The following GPR12 variants were observed in gnomAD, a reference collection of about 807,000 sequenced individuals.
The protein encoded by GPR12 is G-protein coupled receptor 12.
In GPR12, 7 loss-of-function variants were observed where a neutral mutation model predicts 18.9. That is an observed-to-expected ratio of 0.37 (90% CI 0.21 to 0.70). The LOEUF (loss-of-function observed/expected upper bound fraction) is 0.70. Ranked by LOEUF, GPR12 falls within the 30% of genes least tolerant of loss-of-function variation. The probability of loss-of-function intolerance (pLI) is 0.54; values close to 1 mark genes in which losing one functional copy is unlikely to be tolerated. For missense variants in GPR12, 327 were observed against 427.7 expected, an observed-to-expected ratio of 0.76 and a Z score of 2.08; for synonymous variants, 201 against 188.6, an observed-to-expected ratio of 1.07 and a Z score of -0.54.
At chr13:26,759,924 C>G in intron 1 of GPR12, 82 bp from the exon 2 acceptor site, 5 of 1,463,230 alleles carry the variant, frequency 3.4e-6, no homozygotes, top group Non-Finnish European at 4.5e-6. Flanking sequence ...CACAGACAAA[C>G]AGAAAGCCAG....
chr13:26,758,657 C>T lies in GPR12; in HGVS notation c.*166G>A, dbSNP rs983317456. 1.9e-5 allele frequency: 20 copies of T among 1,036,974 alleles called. No homozygotes were observed. Among genetic ancestry groups the T allele is most frequent in the Admixed American group, 5.9e-5 (2 of 33,750 alleles). The allele number at this position is 1,036,974 out of a possible 1,614,324, so 64.2% of individuals were successfully genotyped here. On this transcript the variant is annotated 3_prime_UTR_variant, in exon 2 of 2. Coordinates refer to ENST00000405846, the MANE Select transcript of GPR12 (RefSeq NM_005288.4). ...GAAAACACTGGTAACATTATTTTCA[C>T]TTCAATCACTTAACTCATCTGAACG...
Position 26,757,595 on chromosome 13 carries a change from T to C in GPR12, c.*1228A>G, listed in dbSNP as rs1884399338. 1 of 152,230 alleles carries C rather than the reference T, an allele frequency of 6.6e-6. No homozygotes were observed. Among genetic ancestry groups the C allele is most frequent in the Non-Finnish European group, 1.5e-5 (1 of 68,032 alleles). The allele number at this position is 152,230 out of a possible 1,614,324, so 9.4% of individuals were successfully genotyped here. ...TTTTTGGTGAAAAGGAGTTAAAAGA[T>C]TTCAAACTTAACTTTTCATCAACAG... is the stretch of plus-strand genomic sequence containing the variant. On this transcript the variant is annotated 3_prime_UTR_variant, in exon 2 of 2. Transcript: ENST00000405846.
rs1322374799 is a variant in GPR12, at chr13:26,755,526, A to T, written c.*3297T>A. On this transcript the variant is annotated 3_prime_UTR_variant, in exon 2 of 2. Transcript: ENST00000405846. ...CCTATTTTAAATCCTGGGGGAGTCTAAGACTATTTCTGCATGGCCAAGTCA... is the reference window on the plus strand; with the variant it reads ...CCTATTTTAAATCCTGGGGGAGTCTTAGACTATTTCTGCATGGCCAAGTCA... 1 of 152,116 alleles carries T rather than the reference A, an allele frequency of 6.6e-6. No homozygotes were observed. Among genetic ancestry groups the T allele is most frequent in the Non-Finnish European group, 1.5e-5 (1 of 68,018 alleles). 9.4% of individuals were successfully genotyped at this position (152,116 alleles called of 1,614,324 possible).
rs768137042 is a variant in GPR12, at chr13:26,759,178, T to A, written c.650A>T (p.Tyr217Phe). 6.2e-7 allele frequency: 1 copy of A among 1,612,738 alleles called. No homozygotes were observed. Among genetic ancestry groups the A allele is most frequent in the Non-Finnish European group, 8.5e-7 (1 of 1,179,790 alleles). ...CATCACAATCTTACAGATCTGGATG[T>A]AGAGCTGAAGCATGAGCGCAAACAT... ...LFMFALMLQL[Y>F]IQICKIVMRH... Residue 217 changes from tyrosine to phenylalanine, a missense_variant, in exon 2 of 2, where the codon TAC becomes TTC. Coordinates refer to ENST00000405846, the MANE Select transcript of GPR12 (RefSeq NM_005288.4).
rs574403740 is a variant in GPR12, at chr13:26,757,519, A to C, written c.*1304T>G. ...TTCTTCTTTGCAATTTCCTGACTAC[A>C]TTCTTGTTCTCTGAAAACAGGCAAT... On this transcript the variant is annotated 3_prime_UTR_variant, in exon 2 of 2. Coordinates refer to ENST00000405846, the MANE Select transcript of GPR12 (RefSeq NM_005288.4). 11 of 152,350 alleles carry C rather than the reference A, an allele frequency of 7.2e-5. No homozygotes were observed. The highest frequency in any genetic ancestry group is 2.6e-4 in the African/African-American group (11 of 41,592). The allele number at this position is 152,350 out of a possible 1,614,324, so 9.4% of individuals were successfully genotyped here. A position where few individuals can be genotyped will look rare whatever the true frequency, so the allele number is the denominator to read the frequency against.
Position 26,757,361 on chromosome 13 carries a change from T to A in GPR12, c.*1462A>T, listed in dbSNP as rs1020211912. The A allele has an allele frequency of 4.6e-5, 7 of 152,208 alleles. No individual in the cohort carries two copies. The highest frequency in any genetic ancestry group is 8.8e-5 in the Non-Finnish European group (6 of 68,044). 9.4% of individuals were successfully genotyped at this position (152,208 alleles called of 1,614,324 possible). A position where few individuals can be genotyped will look rare whatever the true frequency, so the allele number is the denominator to read the frequency against. On this transcript the variant is annotated 3_prime_UTR_variant, in exon 2 of 2. Coordinates refer to ENST00000405846, the MANE Select transcript of GPR12 (RefSeq NM_005288.4). ...GGCTCAATTAATGTGCTGCCAAGAA[T>A]TTTTTCCACTGATTATATAGACATA...
Position 26,759,203 on chromosome 13 carries a change from T to G in GPR12, c.625A>C (p.Met209Leu). 6.2e-7 allele frequency: 1 copy of G among 1,610,956 alleles called. No individual in the cohort carries two copies. Among genetic ancestry groups the G allele is most frequent in the Non-Finnish European group, 8.5e-7 (1 of 1,179,388 alleles). Residue 209 changes from methionine to leucine, a missense_variant, in exon 2 of 2, where the codon ATG (methionine) becomes CTG (leucine). Met to Leu is a conservative substitution (Grantham distance 15, BLOSUM62 2). Transcript: ENST00000405846. The stretch of plus-strand genomic sequence containing the variant: ...TAGAGCTGAAGCATGAGCGCAAACA[T>G]GAAGAGGAAGGACACCGAGAGGATG... The part of the protein sequence containing the change: ...AAILSVSFLF[M>L]FALMLQLYIQ...
chr13:26,758,940 G>A lies in GPR12; in HGVS notation c.888C>T (p.Ile296=), dbSNP rs1202321554. 6.2e-7 allele frequency: 1 copy of A among 1,614,132 alleles called. No individual in the cohort carries two copies. Among genetic ancestry groups the A allele is most frequent in the South Asian group, 1.1e-5 (1 of 91,068 alleles). ...TLLPATYNSI[I]NPVIYAFRNQ... ...TTCTGAAAGCATATATGACAGGGTTGATGATGGAATTGTAGGTGGCGGGCA... is the reference window on the plus strand; with the variant it reads ...TTCTGAAAGCATATATGACAGGGTTAATGATGGAATTGTAGGTGGCGGGCA... Residue 296 remains isoleucine (I), a synonymous_variant, in exon 2 of 2, where the codon ATC becomes ATT. Coordinates refer to ENST00000405846, the MANE Select transcript of GPR12 (RefSeq NM_005288.4).
Position 26,755,870 on chromosome 13 carries a change from C to T in GPR12, c.*2953G>A, listed in dbSNP as rs1884364574. 6.6e-6 allele frequency: 1 copy of T among 152,136 alleles called. No individual in the cohort carries two copies. The highest frequency in any genetic ancestry group is 6.5e-5 in the Admixed American group (1 of 15,278). 9.4% of individuals were successfully genotyped at this position (152,136 alleles called of 1,614,324 possible). On this transcript the variant is annotated 3_prime_UTR_variant, in exon 2 of 2. Coordinates refer to ENST00000405846, the MANE Select transcript of GPR12 (RefSeq NM_005288.4). ...ATGTGGAGTAAAAGATTATCTGCTA[C>T]CTCAGGACTGTTGGAAATAAGACAG... is the stretch of plus-strand genomic sequence containing the variant.
chr13:26,758,795 A>G lies in GPR12; in HGVS notation c.*28T>C. ...GCCAGGCAGTGGAAGTGCTTGGTAA[A>G]TGCAGAGTCCTCCTGGGTGCAAGGG... On this transcript the variant is annotated 3_prime_UTR_variant, in exon 2 of 2. Coordinates refer to ENST00000405846, the MANE Select transcript of GPR12 (RefSeq NM_005288.4). 6.4e-7 allele frequency: 1 copy of G among 1,564,874 alleles called. No homozygotes were observed. Among genetic ancestry groups the G allele is most frequent in the Non-Finnish European group, 8.7e-7 (1 of 1,152,138 alleles).
Position 26,757,082 on chromosome 13 carries a change from C to T in GPR12, c.*1741G>A, listed in dbSNP as rs1884389300. On this transcript the variant is annotated 3_prime_UTR_variant, in exon 2 of 2. Coordinates refer to ENST00000405846, the MANE Select transcript of GPR12 (RefSeq NM_005288.4). ...GTGGTATGTATTGAAAATTCTTTCC[C>T]ACTTCTTAAGTATTTCAGTCCCTCT... 1 of 152,104 alleles carries T rather than the reference C, an allele frequency of 6.6e-6. No homozygotes were observed. Among genetic ancestry groups the T allele is most frequent in the Non-Finnish European group, 1.5e-5 (1 of 68,014 alleles). The allele number at this position is 152,104 out of a possible 1,614,324, so 9.4% of individuals were successfully genotyped here.
rs1338866944 is a variant in GPR12 at position 26,759,851 on chromosome 13, A to G, written c.-15-9T>C. On this transcript the variant is annotated splice_polypyrimidine_tract_variant and intron_variant, in intron 1 of 1. Coordinates refer to ENST00000405846, the MANE Select transcript of GPR12 (RefSeq NM_005288.4). ...ATTTTAACCCCTGTCCTCTTCAACGAAAAGACAGGCTTTTTAATGTTTAAA... is the reference window on the plus strand; with the variant it reads ...ATTTTAACCCCTGTCCTCTTCAACGGAAAGACAGGCTTTTTAATGTTTAAA... 6.5e-7 allele frequency: 1 copy of G among 1,531,940 alleles called. No individual in the cohort carries two copies. The highest frequency in any genetic ancestry group is 2.1e-5 in the Admixed American group (1 of 46,656). The allele number at this position is 1,531,940 out of a possible 1,614,324, so 94.9% of individuals were successfully genotyped here.
Position 26,759,520 on chromosome 13 carries a change from A to G in GPR12, c.308T>C (p.Phe103Ser), listed in dbSNP as rs1884441879. 6.2e-7 allele frequency: 1 copy of G among 1,614,208 alleles called. No individual in the cohort carries two copies. The highest frequency in any genetic ancestry group is 1.1e-5 in the South Asian group (1 of 91,076). The change falls in exon 2 of 2, where the codon TTT becomes TCT. Residue 103 changes from phenylalanine (F) to serine (S), a missense_variant. Phe to Ser is a radical substitution (Grantham distance 155, BLOSUM62 -2). Coordinates refer to ENST00000405846, the MANE Select transcript of GPR12 (RefSeq NM_005288.4). ...GGCTTCTGACTGAAGCAGGTAGGCA[A>G]AAACAAAATTGGTGATGAGTCCAAT... The part of the protein sequence containing the change: ...AGIGLITNFV[F>S]AYLLQSEATK...
chr13:26,758,802 G>A lies in GPR12; in HGVS notation c.*21C>T, dbSNP rs747689547. ...AGTGGAAGTGCTTGGTAAATGCAGAGTCCTCCTGGGTGCAAGGGTGCTACA... is the reference window on the plus strand; with the variant it reads ...AGTGGAAGTGCTTGGTAAATGCAGAATCCTCCTGGGTGCAAGGGTGCTACA... On this transcript the variant is annotated 3_prime_UTR_variant, in exon 2 of 2. Coordinates refer to ENST00000405846, the MANE Select transcript of GPR12 (RefSeq NM_005288.4). 3 of 1,575,764 alleles carry A rather than the reference G, an allele frequency of 1.9e-6. No individual in the cohort carries two copies. The highest frequency in any genetic ancestry group is 1.2e-5 in the South Asian group (1 of 84,532).
rs2137575719 is a variant in GPR12 at position 26,756,003 on chromosome 13, A to G, written c.*2820T>C. On this transcript the variant is annotated 3_prime_UTR_variant, in exon 2 of 2. Coordinates refer to ENST00000405846, the MANE Select transcript of GPR12 (RefSeq NM_005288.4). ...CATTGAGATGTGTGCACATTTAAAAATAATTAGCTCCACAGGAAAAAAGAA... is the reference window on the plus strand; with the variant it reads ...CATTGAGATGTGTGCACATTTAAAAGTAATTAGCTCCACAGGAAAAAAGAA... 1 of 152,344 alleles carries G rather than the reference A, an allele frequency of 6.6e-6. No individual in the cohort carries two copies. Among genetic ancestry groups the G allele is most frequent in the South Asian group, 2.1e-4 (1 of 4,828 alleles). The allele number at this position is 152,344 out of a possible 1,614,324, so 9.4% of individuals were successfully genotyped here.
rs758632134 is a variant in GPR12 at position 26,759,302 on chromosome 13, C to G, written c.526G>C (p.Val176Leu). The change falls in exon 2 of 2, where the codon GTC becomes CTC. Residue 176 changes from valine to leucine, a missense_variant. Physicochemically the swap from Val to Leu is conservative, Grantham distance 32. Coordinates refer to ENST00000405846, the MANE Select transcript of GPR12 (RefSeq NM_005288.4). The stretch of plus-strand genomic sequence containing the variant: ...TCTCGGAGGCAGTTCCAGCCCATGA[C>G]GGGCAGCAGCCCCAGGCAGATGGAG... ...GTSICLGLLP[V>L]MGWNCLRDES... The G allele has an allele frequency of 1.9e-6, 3 of 1,613,046 alleles. No homozygotes were observed.
Position 26,759,603 on chromosome 13 carries a change from C to T in GPR12, c.225G>A (p.Leu75=), listed in dbSNP as rs750504118. The T allele has an allele frequency of 1.2e-6, 2 of 1,614,156 alleles. No individual in the cohort carries two copies. The highest frequency in any genetic ancestry group is 1.1e-5 in the South Asian group (1 of 91,082). Residue 75 remains leucine (L), a synonymous_variant, in exon 2 of 2, where the codon CTG becomes CTA. Transcript: ENST00000405846. ...CTATTAGCAGGAACATGGGTGCTCG[C>T]AGGCTGGGGTTGTGGAAGATGATAA... ...VVLIIFHNPS[L]RAPMFLLIGS...
At chr13:26,760,442 G>A (rs972022944) in intron 1 of GPR12, 137 bp downstream of exon 1, 5 of 151,998 alleles carry the variant, frequency 3.3e-5, no homozygotes, top group Non-Finnish European at 5.9e-5. Context: ...TGGAAGTACC[G>A]AGACAGACAG....
chr13:26,758,060 T>TA lies in GPR12; in HGVS notation c.*762dup, dbSNP rs1480909847. The TA allele has an allele frequency of 2.0e-5, 3 of 152,232 alleles. No homozygotes were observed. Among genetic ancestry groups the TA allele is most frequent in the African/African-American group, 7.2e-5 (3 of 41,460 alleles). The allele number at this position is 152,232 out of a possible 1,614,324, so 9.4% of individuals were successfully genotyped here. ...TTCAGGATTCATTTTAGAAAGTACA[T>TA]ATTGGAAAACTATATTGAAAAATGA... On this transcript the variant is annotated 3_prime_UTR_variant, in exon 2 of 2. Transcript: ENST00000405846.
Sources: allele counts gnomAD v4.1 joint callset, GRCh38; gene constraint gnomAD v4.1.1; transcripts MANE v1.5; gene names NCBI Gene and HGNC (gene_info 2026-07-23, HGNC 2026-07-21).